CFAP61: variants seen among roughly 807,000 people sequenced by gnomAD.
CFAP61 encodes the protein cilia- and flagella-associated protein 61.
A neutral mutation model predicts 135.6 loss-of-function variants in CFAP61; 107 were observed. The observed-to-expected ratio is 0.79, with a 90% confidence interval of 0.67 to 0.93. The LOEUF (loss-of-function observed/expected upper bound fraction) is 0.93, where lower values mean the gene tolerates loss of function less well. Ranked by LOEUF, CFAP61 falls within the 40% of genes least tolerant of loss-of-function variation. The probability of loss-of-function intolerance (pLI) is 0.00; values close to 1 mark genes in which losing one functional copy is unlikely to be tolerated. For synonymous variants in CFAP61, 575 were observed against 578.5 expected (o/e 0.99, Z 0.09); for missense variants, 1,507 against 1,556.2 (o/e 0.97, Z 0.53).
At chr20:20,168,778 T>C (rs1441350994) in intron 12 of CFAP61, among the ~76,000 whole-genome samples, 1 of 152,186 alleles carries the variant, frequency 6.6e-6, no homozygotes, top group African/African-American at 2.4e-5. Context: ...CTAAACCCAC[T>C]GCCTGGGTTT....
At chr20:20,079,440 T>G (rs371998858) in intron 6 of CFAP61, among the ~76,000 whole-genome samples, 2,838 of 152,268 alleles carry the variant, frequency 0.019, 84 homozygotes, top group African/African-American at 0.065. Context: ...GCTATTTTTT[T>G]TTTCCTTTTT....
chr20:20,149,829 T>C (rs919347882), intron 9 of CFAP61, among the ~76,000 whole-genome samples: 5 of 152,190 alleles, frequency 3.3e-5, no homozygotes, highest in Admixed American at 3.3e-4. Flanking sequence ...TAATTTTGAC[T>C]GGCCACAAAC....
chr20:20,071,037 C>T, intron 3 of CFAP61, 33 bp downstream of exon 3: 1 of 1,604,206 alleles, frequency 6.2e-7, no homozygotes, highest in Non-Finnish European at 8.5e-7. Context: ...TGTTAGAACA[C>T]CCTGAATCTT....
intron 25 of CFAP61, among the ~76,000 whole-genome samples, chr20:20,330,446 C>T (rs1255123989): frequency 2.0e-5 from 3 of 152,146 alleles, no homozygotes; most frequent in Non-Finnish European, 4.4e-5. Flanking sequence ...AGTGATCCTC[C>T]CACCTCAGTC....
At chr20:20,252,030 G>T (rs1250318113) in intron 20 of CFAP61, among the ~76,000 whole-genome samples, 1 of 152,212 alleles carries the variant, frequency 6.6e-6, no homozygotes, top group Admixed American at 6.5e-5. Context: ...TCTTTAAGCT[G>T]TTGTCCAAAA....
At chr20:20,073,447 A>T (rs188515800) in intron 3 of CFAP61, among the ~76,000 whole-genome samples, 23 of 152,356 alleles carry the variant, frequency 1.5e-4, no homozygotes, top group Admixed American at 3.9e-4. Flanking sequence ...CACTGGTCCC[A>T]CAAAGCTGTC....
At chr20:20,327,156 A>T (rs2057780765) in intron 25 of CFAP61, among the ~76,000 whole-genome samples, 1 of 152,096 alleles carries the variant, frequency 6.6e-6, no homozygotes, top group Non-Finnish European at 1.5e-5. Context: ...ATTTTATTAG[A>T]TTATCTTGGA....
intron 13 of CFAP61, among the ~76,000 whole-genome samples, chr20:20,174,252 C>T (rs1400871122): frequency 6.6e-6 from 1 of 152,206 alleles, no homozygotes; most frequent in African/African-American, 2.4e-5. Flanking sequence ...TTCACAGCCT[C>T]CTCCAGTTTG....
chr20:20,139,145 CATGT>C (rs574194570), intron 8 of CFAP61, among the ~76,000 whole-genome samples: 14 of 152,298 alleles, frequency 9.2e-5, no homozygotes, highest in Admixed American at 3.3e-4. Context: ...AAGCCCTCAA[CATGT>C]ATTATTTTGC....
intron 17 of CFAP61, among the ~76,000 whole-genome samples, chr20:20,210,343 T>C (rs2047542131): frequency 6.6e-6 from 1 of 152,252 alleles, no homozygotes; most frequent in Non-Finnish European, 1.5e-5. Flanking sequence ...TGTGTTCTTC[T>C]GCATCTGTCA....
At chr20:20,068,043 T>C (rs553894309) in intron 2 of CFAP61, among the ~76,000 whole-genome samples, 44 of 152,300 alleles carry the variant, frequency 2.9e-4, no homozygotes, top group South Asian at 6.2e-4. Flanking sequence ...GAATCTTTAA[T>C]GTCTATGTGG....
chr20:20,234,047 A>C (rs906978917), intron 18 of CFAP61, among the ~76,000 whole-genome samples: 1 of 152,234 alleles, frequency 6.6e-6, no homozygotes, highest in African/African-American at 2.4e-5. Context: ...TGATTTTCAA[A>C]TAATGACATT....
At chr20:20,112,416 C>T (rs1248676647) in intron 8 of CFAP61, among the ~76,000 whole-genome samples, 2 of 152,118 alleles carry the variant, frequency 1.3e-5, no homozygotes, top group Non-Finnish European at 2.9e-5. Context: ...GCTTTTCATG[C>T]ATTTCAACAT....
chr20:20,113,157 T>C (rs2048914320), intron 8 of CFAP61, among the ~76,000 whole-genome samples: 1 of 152,224 alleles, frequency 6.6e-6, no homozygotes, highest in Non-Finnish European at 1.5e-5. Context: ...CTCAAACTTA[T>C]GTATAGTGTG....
chr20:20,229,553 A>G (rs973330428), intron 18 of CFAP61, among the ~76,000 whole-genome samples: 1 of 152,118 alleles, frequency 6.6e-6, no homozygotes, highest in African/African-American at 2.4e-5. Flanking sequence ...AGCTCAGGAC[A>G]GGTGGGGCCT....
intron 6 of CFAP61, among the ~76,000 whole-genome samples, chr20:20,088,756 C>G (rs76878031): frequency 1.3e-5 from 2 of 152,084 alleles, no homozygotes; most frequent in Non-Finnish European, 2.9e-5. Context: ...CTCCTTGTAC[C>G]GTGGTCTTGT....
chr20:20,334,845 GA>G (rs953074582), intron 25 of CFAP61, among the ~76,000 whole-genome samples: 1 of 152,140 alleles, frequency 6.6e-6, no homozygotes, highest in African/African-American at 2.4e-5. Flanking sequence ...TATTCAGTCC[GA>G]TTTCCATCTC....
chr20:20,301,484 C>T (rs904257645), intron 25 of CFAP61, among the ~76,000 whole-genome samples: 2 of 152,182 alleles, frequency 1.3e-5, no homozygotes, highest in South Asian at 2.1e-4. Context: ...ATTTAAATTT[C>T]CCCCAGCAGT....
rs145535346 is a variant in CFAP61, at chr20:20,113,645, G to A, written c.859+14831G>A. 2.6e-5 allele frequency among the ~76,000 whole-genome samples: 4 copies of A among 152,136 alleles called. No individual in the cohort carries two copies. The East Asian group carries it at 5.8e-4, about 22-fold the overall frequency. ...TTACATTTAGATCTACCACCCACAC[G>A]TAATCGATTTTCACATATGGTGTGA... On this transcript the variant is annotated intron_variant, in intron 8 of 26. Coordinates refer to ENST00000245957, the MANE Select transcript of CFAP61 (RefSeq NM_015585.4).
Sources: gnomAD v4.1 joint callset for allele counts (sites outside exome capture counted in the v4.1 genomes callset) on GRCh38, gnomAD v4.1.1 for gene constraint, MANE v1.5 for transcripts, NCBI Gene and HGNC (gene_info 2026-07-23, HGNC 2026-07-21) for gene names.